The following NEDD4L variants were observed in gnomAD, a reference collection of about 807,000 sequenced individuals.
NEDD4L encodes the protein E3 ubiquitin-protein ligase NEDD4-like.
NEDD4L carries 54 observed loss-of-function variants against 148.9 expected under a neutral mutation model. The ratio of observed to expected loss-of-function variants is 0.36; its 90% CI spans 0.29 to 0.45. The LOEUF is 0.45. NEDD4L is among the 20% of genes least tolerant of loss of function. The probability of loss-of-function intolerance (pLI) is 1.00; values close to 1 mark genes in which losing one functional copy is unlikely to be tolerated. For synonymous variants in NEDD4L, 433 were observed against 440.7 expected, an observed-to-expected ratio of 0.98 and a Z score of 0.22; for missense variants, 856 against 1,233.8, an observed-to-expected ratio of 0.69 and a Z score of 4.59.
intron 23 of NEDD4L, 143 bp downstream of exon 23, chr18:58,370,610 A>C (rs2046733058): frequency 3.0e-6 from 2 of 677,126 alleles, no homozygotes; most frequent in Non-Finnish European, 5.4e-6. Flanking sequence ...AATTGCTTGA[A>C]AAGTTCATTG....
intron 1 of NEDD4L, among the ~76,000 whole-genome samples, chr18:58,153,083 G>C (rs1453087935): frequency 6.6e-6 from 1 of 152,186 alleles, no homozygotes; most frequent in Non-Finnish European, 1.5e-5. Context: ...CAGACACCTG[G>C]CCTCAGGCTG....
At chr18:58,058,478 A>G (rs2082186158) in intron 1 of NEDD4L, among the ~76,000 whole-genome samples, 1 of 152,330 alleles carries the variant, frequency 6.6e-6, no homozygotes, top group Non-Finnish European at 1.5e-5. Context: ...GTACCTCCCC[A>G]TTCCCAGCCA....
chr18:58,068,206 TTG>T (rs1491061613), intron 1 of NEDD4L, among the ~76,000 whole-genome samples: 7,347 of 96,150 alleles, frequency 0.076, 253 homozygotes, highest in Admixed American at 0.14. Flanking sequence ...TTTTTTTTTT[TTG>T]TTTTGTTTTG....
In NEDD4L at chr18:58,265,307, G is replaced by T. The variant is rs1416876337; in HGVS notation, c.297+13253G>T. Among the ~76,000 whole-genome samples the T allele has an allele frequency of 3.9e-5, 6 of 152,198 alleles. No individual in the cohort carries two copies. In the East Asian group the frequency reaches 1.2e-3, roughly 29 times the overall value. On this transcript the variant is annotated intron_variant, in intron 5 of 30. Transcript: ENST00000400345. ...AAACGTTGCTGAAGATTTCTTGGGT[G>T]TGGCTGTCATCACAAACAATTCCTC...
intron 24 of NEDD4L, among the ~76,000 whole-genome samples, chr18:58,375,001 G>A (rs568158788): frequency 3.9e-5 from 6 of 152,140 alleles, no homozygotes; most frequent in African/African-American, 1.4e-4. Context: ...AGAGGCTCAC[G>A]GGTCCCAGTG....
At position 58,377,042 on chromosome 18, in the gene NEDD4L, G is replaced by T. The variant is rs1024213847; in HGVS notation, c.2352+3773G>T. Among the ~76,000 whole-genome samples, 7 of 152,132 alleles carry T rather than the reference G, an allele frequency of 4.6e-5. 1 individual carries two copies. The highest frequency in any genetic ancestry group is 3.3e-4 in the Admixed American group (5 of 15,264). On this transcript the variant is annotated intron_variant, in intron 24 of 30. Transcript: ENST00000400345. ...ATGTACCACAGACGACTTTGCATTTGTCTGAGTATGTTTGTGTTTAGTGCC... is the reference window on the plus strand; with the variant it reads ...ATGTACCACAGACGACTTTGCATTTTTCTGAGTATGTTTGTGTTTAGTGCC...
intron 14 of NEDD4L, 70 bp downstream of exon 14, chr18:58,341,239 TC>T: frequency 6.5e-7 from 1 of 1,541,666 alleles, no homozygotes; most frequent in Non-Finnish European, 8.8e-7. Flanking sequence ...CGAACTCCTT[TC>T]CTGGTGTTTA....
At chr18:58,186,015 A>G (rs1040197525) in intron 2 of NEDD4L, among the ~76,000 whole-genome samples, 3 of 152,300 alleles carry the variant, frequency 2.0e-5, no homozygotes, top group East Asian at 1.9e-4. Flanking sequence ...ACAGATACAT[A>G]TGCACACGCA....
At chr18:58,124,107 C>A (rs969766456) in intron 1 of NEDD4L, among the ~76,000 whole-genome samples, 1 of 152,156 alleles carries the variant, frequency 6.6e-6, no homozygotes, top group Non-Finnish European at 1.5e-5. Flanking sequence ...CCCTCTCCAG[C>A]GCCTGCCTTC....
At chr18:58,142,068 AC>A (rs1389810617) in intron 1 of NEDD4L, among the ~76,000 whole-genome samples, 8 of 44,554 alleles carry the variant, frequency 1.8e-4, no homozygotes, top group African/African-American at 5.3e-4. Flanking sequence ...TTTTTTTGAG[AC>A]AGAGTCTCGC....
At chr18:58,367,917 G>A (rs1474174617) in intron 22 of NEDD4L, 50 bp downstream of exon 22, 1 of 1,602,820 alleles carries the variant, frequency 6.2e-7, no homozygotes, top group African/African-American at 1.3e-5. Flanking sequence ...CGGTTTGCTA[G>A]TAGGTGTCTT....
intron 2 of NEDD4L, among the ~76,000 whole-genome samples, chr18:58,193,450 C>A (rs997218809): frequency 6.6e-6 from 1 of 152,208 alleles, no homozygotes; most frequent in African/African-American, 2.4e-5. Flanking sequence ...GCTGGTCACC[C>A]AGCCCTCATC....
At chr18:58,072,071 C>A (rs770652129) in intron 1 of NEDD4L, among the ~76,000 whole-genome samples, 1 of 152,092 alleles carries the variant, frequency 6.6e-6, no homozygotes, top group African/African-American at 2.4e-5. Context: ...ATGGCCATAA[C>A]TGACTAAAGA....
At chr18:58,301,977 C>T (rs1292459063) in intron 5 of NEDD4L, among the ~76,000 whole-genome samples, 7 of 152,120 alleles carry the variant, frequency 4.6e-5, no homozygotes, top group African/African-American at 1.7e-4. Context: ...TTGCCCCTGC[C>T]CCGGTGATAG....
At chr18:58,094,169 CTT>C (rs61501212) in intron 1 of NEDD4L, among the ~76,000 whole-genome samples, 7 of 146,536 alleles carry the variant, frequency 4.8e-5, no homozygotes, top group African/African-American at 1.3e-4. Flanking sequence ...CCTGCACCCC[CTT>C]TTTTTTTTTT....
chr18:58,139,764 T>C (rs908341313), intron 1 of NEDD4L, among the ~76,000 whole-genome samples: 7 of 152,080 alleles, frequency 4.6e-5, no homozygotes, highest in Admixed American at 4.6e-4. Flanking sequence ...TCATCTTTGC[T>C]AACCTCCCAA....
intron 2 of NEDD4L, among the ~76,000 whole-genome samples, chr18:58,214,687 A>C (rs487988): frequency 0.31 from 45,654 of 149,104 alleles, 7,309 homozygotes; most frequent in East Asian, 0.47. Context: ...GCTGGAAATG[A>C]TAGATTGCAA....
intron 1 of NEDD4L, among the ~76,000 whole-genome samples, chr18:58,116,089 G>C (rs531939858): frequency 1.3e-5 from 2 of 152,132 alleles, no homozygotes; most frequent in African/African-American, 4.8e-5. Context: ...GGGACCCAGC[G>C]CACACCCCAG....
At chr18:58,340,208 A>G (rs906567162) in intron 13 of NEDD4L, among the ~76,000 whole-genome samples, 24 of 152,184 alleles carry the variant, frequency 1.6e-4, no homozygotes, top group African/African-American at 5.5e-4. Context: ...TACATCATCA[A>G]CACATCCTTG....
Sources: allele counts gnomAD v4.1 joint callset (sites outside exome capture counted in the v4.1 genomes callset), GRCh38; gene constraint gnomAD v4.1.1; transcripts MANE v1.5; gene names NCBI Gene and HGNC (gene_info 2026-07-23, HGNC 2026-07-21).